The following CSMD2 variants were observed in gnomAD, a reference collection of about 807,000 sequenced individuals.
CSMD2 encodes the protein CUB and Sushi multiple domains 2.
A neutral mutation model predicts 398.5 loss-of-function variants in CSMD2; 130 were observed. That is an observed-to-expected ratio of 0.33 (90% CI 0.28 to 0.38). The LOEUF (loss-of-function observed/expected upper bound fraction) is 0.38, where lower values mean the gene tolerates loss of function less well. Ranked by LOEUF, CSMD2 falls within the 10% of genes least tolerant of loss-of-function variation. CSMD2 has a pLI of 1.00. For synonymous variants in CSMD2, 1,828 were observed against 1,908.5 expected (o/e 0.96, Z 1.10); for missense variants, 3,829 against 4,764.9 (o/e 0.80, Z 5.78).
In CSMD2 at chr1:33,567,652, A is replaced by C. The variant is rs201544865; in HGVS notation, c.8321T>G (p.Met2774Arg). The C allele has an allele frequency of 2.5e-6, 4 of 1,614,160 alleles. No homozygotes were observed. The East Asian group carries it at 6.7e-5, about 27-fold the overall frequency. The change falls in exon 53 of 71, where the codon ATG becomes AGG. Residue 2774 changes from methionine (M) to arginine (R), a missense_variant. By Grantham distance (91) the Met-to-Arg change is moderately conservative (BLOSUM62 -1). Transcript: ENST00000373381. The stretch of plus-strand genomic sequence containing the variant: ...ATCCTGCTGGCAGATGCGCACAGAC[A>C]TGCCGATCAGGCGGAAGCCAGCATT... The part of the protein sequence containing the change: ...QCNAGFRLIG[M>R]SVRICQQDHH...
At chr1:34,103,357 G>A (rs1234909154) in intron 1 of CSMD2, among the ~76,000 whole-genome samples, 2 of 143,612 alleles carry the variant, frequency 1.4e-5, no homozygotes, top group East Asian at 2.1e-4. Flanking sequence ...GGAGTGCAGT[G>A]GTGCGATCTC....
chr1:34,058,244 C>T lies in CSMD2; in HGVS notation c.405-25538G>A, dbSNP rs74070268. On this transcript the variant is annotated intron_variant, in intron 2 of 70. Transcript: ENST00000373381. ...TTGCTGTGTCACCCCGGGCAGGTCA[C>T]TTCCCCTCTCTCATCCTTGTTTCCA... 8.0e-3 allele frequency among the ~76,000 whole-genome samples: 1,214 copies of T among 152,264 alleles called. 20 individuals are homozygous for T. Among genetic ancestry groups the T allele is most frequent in the Middle Eastern group, 0.027 (8 of 294 alleles).
intron 12 of CSMD2, among the ~76,000 whole-genome samples, chr1:33,775,639 G>T (rs1047305090): frequency 6.6e-6 from 1 of 152,198 alleles, no homozygotes; most frequent in African/African-American, 2.4e-5. Flanking sequence ...TGAATGGAGG[G>T]TCATCAGTAG....
In CSMD2 at chr1:33,600,935, T is replaced by C. The variant is rs747175168; in HGVS notation, c.6786A>G (p.Ser2262=). 1 of 1,614,144 alleles carries C rather than the reference T, an allele frequency of 6.2e-7. No homozygotes were observed. The highest frequency in any genetic ancestry group is 2.2e-5 in the East Asian group (1 of 44,872). The change falls in exon 44 of 71, where the codon TCA becomes TCG. Residue 2262 remains serine (S), a synonymous_variant. Transcript: ENST00000373381. ...GGAACTTGAGCAGGACCTGGTTGGA[T>C]GAACTCTGCACTGTTTTCTTGGCCA... The part of the protein sequence containing the change: ...RSMAKKTVQS[S]SNQVLLKFHR...
chr1:33,632,412 C>A (rs977308930), intron 32 of CSMD2, among the ~76,000 whole-genome samples: 2 of 151,920 alleles, frequency 1.3e-5, no homozygotes, highest in Non-Finnish European at 2.9e-5. Flanking sequence ...TGGAGCTCTA[C>A]TCAATAAATA....
intron 22 of CSMD2, among the ~76,000 whole-genome samples, chr1:33,707,741 A>C (rs913747266): frequency 6.9e-6 from 1 of 145,570 alleles, no homozygotes; most frequent in African/African-American, 2.5e-5. Flanking sequence ...ACACACACAC[A>C]CACCATACAC....
intron 29 of CSMD2, among the ~76,000 whole-genome samples, chr1:33,640,174 A>G (rs1003425359): frequency 6.6e-6 from 1 of 152,210 alleles, no homozygotes; most frequent in Non-Finnish European, 1.5e-5. Context: ...CTAATAGATG[A>G]GGCTTACTTC....
chr1:33,853,525 T>C (rs1263892604), intron 5 of CSMD2, among the ~76,000 whole-genome samples: 1 of 152,266 alleles, frequency 6.6e-6, no homozygotes, highest in African/African-American at 2.4e-5. Flanking sequence ...ATGTGATGTT[T>C]AATTTAAATC....
Position 34,086,751 on chromosome 1 carries a change from G to A in CSMD2, c.404+2226C>T, listed in dbSNP as rs192984020. Among the ~76,000 whole-genome samples, 5 of 152,140 alleles carry A rather than the reference G, an allele frequency of 3.3e-5. No individual in the cohort carries two copies. In the East Asian group the frequency reaches 7.8e-4, roughly 24 times the overall value. On this transcript the variant is annotated intron_variant, in intron 2 of 70. Transcript: ENST00000373381. ...ACCCCTTTCACTCCATTTTCCCCAC[G>A]ATGGCAAAGGCCTGTCACAGCAGGT...
chr1:33,748,668 T>C (rs1017356977), intron 13 of CSMD2, among the ~76,000 whole-genome samples: 2 of 152,180 alleles, frequency 1.3e-5, no homozygotes, highest in Non-Finnish European at 2.9e-5. Flanking sequence ...ATTTAAAACA[T>C]GGATAATGAG....
chr1:33,742,554 C>T (rs1647106099), intron 14 of CSMD2, among the ~76,000 whole-genome samples: 1 of 149,330 alleles, frequency 6.7e-6, no homozygotes, highest in Non-Finnish European at 1.5e-5. Context: ...TGGTGGCTTG[C>T]TATTTCTAGT....
intron 25 of CSMD2, among the ~76,000 whole-genome samples, chr1:33,675,187 A>G (rs1441460299): frequency 1.3e-5 from 2 of 152,202 alleles, no homozygotes; most frequent in Admixed American, 6.5e-5. Flanking sequence ...TTTTGAAAAG[A>G]TCAACAAAAT....
At chr1:34,049,976 A>C (rs1652990069) in intron 2 of CSMD2, among the ~76,000 whole-genome samples, 2 of 152,230 alleles carry the variant, frequency 1.3e-5, no homozygotes, top group Non-Finnish European at 2.9e-5. Flanking sequence ...CCCTGTCTGC[A>C]ATGTGAAGAT....
intron 5 of CSMD2, among the ~76,000 whole-genome samples, chr1:33,883,699 G>C (rs1641390289): frequency 6.6e-6 from 1 of 152,084 alleles, no homozygotes; most frequent in Non-Finnish European, 1.5e-5. Context: ...GCCTTCTCAG[G>C]GAGTCTACAG....
intron 24 of CSMD2, among the ~76,000 whole-genome samples, chr1:33,694,992 C>T (rs1645371542): frequency 6.6e-6 from 1 of 152,160 alleles, no homozygotes; most frequent in South Asian, 2.1e-4. Flanking sequence ...ATCCTAACAA[C>T]AAGTAGCAGC....
chr1:33,874,069 T>C (rs1640659730), intron 5 of CSMD2, among the ~76,000 whole-genome samples: 1 of 152,228 alleles, frequency 6.6e-6, no homozygotes, highest in Non-Finnish European at 1.5e-5. Flanking sequence ...TGTAAGTTCA[T>C]ACAATGCCAT....
intron 37 of CSMD2, among the ~76,000 whole-genome samples, chr1:33,618,027 C>CAGAGACAGAGAGAG (rs1481144439): frequency 1.3e-5 from 2 of 150,494 alleles, no homozygotes; most frequent in Non-Finnish European, 3.0e-5. Context: ...GACAGAGAGA[C>CAGAGACAGAGAGAG]AGAGAGAGAG....
At chr1:33,917,592 G>A (rs1267902234) in intron 5 of CSMD2, among the ~76,000 whole-genome samples, 2 of 152,144 alleles carry the variant, frequency 1.3e-5, no homozygotes, top group East Asian at 1.9e-4. Flanking sequence ...AGAACAAGAG[G>A]GAGAAAGTAA....
intron 10 of CSMD2, among the ~76,000 whole-genome samples, chr1:33,796,440 A>C (rs1418023924): frequency 2.6e-5 from 4 of 152,234 alleles, no homozygotes; most frequent in Non-Finnish European, 5.9e-5. Flanking sequence ...TCTTTACTTC[A>C]ATCTCTGAAT....
Sources: allele counts gnomAD v4.1 joint callset (sites outside exome capture counted in the v4.1 genomes callset), GRCh38; gene constraint gnomAD v4.1.1; transcripts MANE v1.5; gene names NCBI Gene and HGNC (gene_info 2026-07-23, HGNC 2026-07-21).